The following TRPM3 variants were observed in gnomAD, a reference collection of about 807,000 sequenced individuals.
TRPM3 encodes the protein long transient receptor potential channel 3.
A neutral mutation model predicts 181.2 loss-of-function variants in TRPM3; 77 were observed. The observed-to-expected ratio is 0.42, with a 90% CI of 0.35 to 0.51. TRPM3 has a LOEUF of 0.51. Ranked by LOEUF, TRPM3 falls within the 20% of genes least tolerant of loss-of-function variation. The pLI, the probability that TRPM3 is intolerant of heterozygous loss-of-function variation, is 0.01. For missense variants in TRPM3, 1,759 were observed against 2,196.7 expected (o/e 0.80, Z 3.98); for synonymous variants, 745 against 796.4 (o/e 0.94, Z 1.09).
intron 1 of TRPM3, among the ~76,000 whole-genome samples, chr9:70,912,234 T>G (rs961218310): frequency 1.3e-5 from 2 of 152,206 alleles, no homozygotes; most frequent in African/African-American, 4.8e-5. Context: ...ATATTGATTT[T>G]TAGTGTTCCA....
At chr9:71,014,990 G>C (rs1045094446) in intron 1 of TRPM3, among the ~76,000 whole-genome samples, 2 of 151,322 alleles carry the variant, frequency 1.3e-5, no homozygotes, top group African/African-American at 4.9e-5. Context: ...CTTTTTTTCA[G>C]TATTTTTCTT....
At chr9:70,880,807 G>C (rs2039643) in intron 1 of TRPM3, among the ~76,000 whole-genome samples, 81,588 of 151,842 alleles carry the variant, frequency 0.54, 22,784 homozygotes, top group Non-Finnish European at 0.59. Context: ...TAACTTAGAG[G>C]CTACTTATAT....
intron 1 of TRPM3, among the ~76,000 whole-genome samples, chr9:71,156,376 G>GACACAC (rs71507025): frequency 0.071 from 9,763 of 138,338 alleles, 492 homozygotes; most frequent in Admixed American, 0.14. Context: ...ATATACTACA[G>GACACAC]ACACACACAC....
intron 1 of TRPM3, among the ~76,000 whole-genome samples, chr9:70,972,973 A>G (rs531105881): frequency 1.3e-5 from 2 of 152,310 alleles, no homozygotes; most frequent in South Asian, 4.1e-4. Context: ...TTCATATATG[A>G]TATCTGTATA....
intron 1 of TRPM3, among the ~76,000 whole-genome samples, chr9:71,210,059 C>T (rs1401851707): frequency 6.6e-6 from 1 of 152,212 alleles, no homozygotes; most frequent in East Asian, 1.9e-4. Flanking sequence ...AGGAGGTGAG[C>T]GTCAGGGGAC....
chr9:71,045,903 ATTAT>A (rs914455526), intron 1 of TRPM3, among the ~76,000 whole-genome samples: 10 of 151,916 alleles, frequency 6.6e-5, no homozygotes, highest in African/African-American at 2.4e-4. Context: ...AATAAATAGG[ATTAT>A]TTATTGTAAC....
At chr9:70,928,854 T>C (rs2096747155) in intron 1 of TRPM3, among the ~76,000 whole-genome samples, 1 of 152,194 alleles carries the variant, frequency 6.6e-6, no homozygotes, top group Non-Finnish European at 1.5e-5. Context: ...GTGCTGACAA[T>C]TAGCCACCAC....
chr9:70,698,476 C>G (rs2071332426), intron 8 of TRPM3, among the ~76,000 whole-genome samples: 1 of 152,118 alleles, frequency 6.6e-6, no homozygotes, highest in Non-Finnish European at 1.5e-5. Context: ...ATAATGTACA[C>G]TAAGTACTTA....
intron 1 of TRPM3, among the ~76,000 whole-genome samples, chr9:70,874,390 C>A (rs370657418): frequency 6.6e-6 from 1 of 151,920 alleles, no homozygotes; most frequent in East Asian, 1.9e-4. Flanking sequence ...TTCCAGGATA[C>A]AAATAAAAAT....
chr9:71,383,290 C>T (rs2092846669), intron 1 of TRPM3, among the ~76,000 whole-genome samples: 2 of 152,072 alleles, frequency 1.3e-5, no homozygotes, highest in Non-Finnish European at 2.9e-5. Context: ...TCTGGTGGTA[C>T]TGGACATCTT....
chr9:70,842,911 A>G (rs995589675), intron 5 of TRPM3, 92 bp downstream of exon 5: 3 of 1,313,898 alleles, frequency 2.3e-6, no homozygotes, highest in Middle Eastern at 1.9e-4. Flanking sequence ...AAAGAATACT[A>G]TAATGTGCAC....
At chr9:70,584,417 G>A (rs2056679008) in intron 22 of TRPM3, among the ~76,000 whole-genome samples, 1 of 152,014 alleles carries the variant, frequency 6.6e-6, no homozygotes, top group Admixed American at 6.6e-5. Context: ...TGAGTTTCAG[G>A]TCATCCTGAT....
At chr9:70,645,007 T>C (rs2058617973) in intron 9 of TRPM3, among the ~76,000 whole-genome samples, 1 of 152,256 alleles carries the variant, frequency 6.6e-6, no homozygotes, top group South Asian at 2.1e-4. Flanking sequence ...ACAAGGGATG[T>C]GAAGGACCTG....
intron 8 of TRPM3, among the ~76,000 whole-genome samples, chr9:70,690,644 T>C (rs1335830365): frequency 6.6e-6 from 1 of 152,160 alleles, no homozygotes; most frequent in Non-Finnish European, 1.5e-5. Flanking sequence ...CTTAGCATAA[T>C]GTTTCCTGGA....
intron 1 of TRPM3, among the ~76,000 whole-genome samples, chr9:71,172,956 T>TA (rs2076938385): frequency 6.6e-6 from 1 of 152,118 alleles, no homozygotes; most frequent in Admixed American, 6.5e-5. Context: ...TAAGTGGGCA[T>TA]AAACACACAG....
At chr9:71,166,418 G>C (rs936933067) in intron 1 of TRPM3, among the ~76,000 whole-genome samples, 3 of 152,038 alleles carry the variant, frequency 2.0e-5, no homozygotes, top group African/African-American at 7.2e-5. Context: ...TAAGGGATTA[G>C]GCCTTGAAAA....
chr9:71,049,399 T>C (rs539363), intron 1 of TRPM3, among the ~76,000 whole-genome samples: 151,870 of 152,308 alleles, frequency 1, 75,716 homozygotes, highest in Middle Eastern at 1. Context: ...AGAACATATA[T>C]ACTGAAATAT....
At chr9:71,427,670 A>C (rs1315353312) in intron 1 of TRPM3, among the ~76,000 whole-genome samples, 2 of 152,204 alleles carry the variant, frequency 1.3e-5, no homozygotes, top group Non-Finnish European at 2.9e-5. Context: ...CAGAAAACCA[A>C]ATACTGTATG....
At chr9:71,320,755 C>T (rs2089145042) in intron 1 of TRPM3, among the ~76,000 whole-genome samples, 1 of 152,116 alleles carries the variant, frequency 6.6e-6, no homozygotes. Context: ...CCTCATAGCT[C>T]TAGAGGTACC....
Sources: allele counts gnomAD v4.1 joint callset (sites outside exome capture counted in the v4.1 genomes callset), GRCh38; gene constraint gnomAD v4.1.1; transcripts MANE v1.5; gene names NCBI Gene and HGNC (gene_info 2026-07-23, HGNC 2026-07-21).